The following NLGN1 variants were observed in gnomAD, a reference collection of about 807,000 sequenced individuals.
The protein encoded by NLGN1 is neuroligin-1.
A neutral mutation model predicts 65.5 loss-of-function variants in NLGN1; 12 were observed. The observed-to-expected ratio is 0.18, with a 90% CI of 0.12 to 0.30. The LOEUF is 0.30. Among genes scored for constraint, NLGN1 ranks in the 10% least tolerant of loss-of-function variants. The pLI is 1.00. For synonymous variants in NLGN1, 350 were observed against 359.5 expected (o/e 0.97, Z 0.30); for missense variants, 750 against 1,007.1 (o/e 0.74, Z 3.46).
At chr3:174,094,323 A>G in intron 4 of NLGN1, among the ~76,000 whole-genome samples, 1 of 152,194 alleles carries the variant, frequency 6.6e-6, no homozygotes, top group East Asian at 1.9e-4. Context: ...TATTTTAAAT[A>G]CTCATTATCT....
At chr3:174,173,372 C>T (rs73035641) in intron 4 of NLGN1, among the ~76,000 whole-genome samples, 2,292 of 152,076 alleles carry the variant, frequency 0.015, 58 homozygotes, top group African/African-American at 0.052. Context: ...AAGCAGTCAT[C>T]CTTGTCATGT....
intron 2 of NLGN1, among the ~76,000 whole-genome samples, chr3:173,580,149 A>G (rs1334619021): frequency 6.6e-6 from 1 of 152,142 alleles, no homozygotes; most frequent in Non-Finnish European, 1.5e-5. Context: ...CTTTTCTCAA[A>G]ATAACTCTTT....
At chr3:174,290,997 T>C (rs1395631973), downstream of NLGN1, among the ~76,000 whole-genome samples, 2 of 150,404 alleles carry the variant, frequency 1.3e-5, no homozygotes. Flanking sequence ...GATGCTTTAA[T>C]AAAACTCAAG....
At chr3:173,422,091 GTA>G (rs1160300203) in intron 1 of NLGN1, among the ~76,000 whole-genome samples, 2 of 151,478 alleles carry the variant, frequency 1.3e-5, no homozygotes, top group Non-Finnish European at 2.9e-5. Flanking sequence ...ATATATGTGT[GTA>G]TATATATGTG....
chr3:174,180,099 C>A (rs141638266), intron 4 of NLGN1, among the ~76,000 whole-genome samples: 2 of 152,226 alleles, frequency 1.3e-5, no homozygotes, highest in African/African-American at 4.8e-5. Context: ...CTGTAACAGT[C>A]CCTTCCTTCA....
intron 4 of NLGN1, among the ~76,000 whole-genome samples, chr3:174,110,885 C>A: frequency 6.6e-6 from 1 of 151,786 alleles, no homozygotes; most frequent in East Asian, 1.9e-4. Flanking sequence ...ATAAGAAATA[C>A]GTGATTTTAG....
Position 174,090,297 on chromosome 3 carries a change from C to G in NLGN1, c.647-185018C>G, listed in dbSNP as rs369900596. 9.2e-5 allele frequency among the ~76,000 whole-genome samples: 14 copies of G among 152,014 alleles called. No homozygotes were observed. In the East Asian group the frequency reaches 2.5e-3, roughly 27 times the overall value. On this transcript the variant is annotated intron_variant, in intron 4 of 6. Transcript: ENST00000457714. ...ACCAGCCTGGCCAACATGATGAAAT[C>G]TCGTCTCTATTAAAAATACAAAAAA... is the stretch of plus-strand genomic sequence containing the variant.
intron 3 of NLGN1, among the ~76,000 whole-genome samples, chr3:173,676,754 C>T (rs1348819094): frequency 2.0e-5 from 3 of 152,054 alleles, no homozygotes; most frequent in African/African-American, 7.2e-5. Flanking sequence ...TACATCTCAG[C>T]ATACCTCAAA....
chr3:174,133,161 C>G (rs1720528412), intron 4 of NLGN1, among the ~76,000 whole-genome samples: 1 of 152,162 alleles, frequency 6.6e-6, no homozygotes, highest in South Asian at 2.1e-4. Context: ...TTAGACTTTC[C>G]TGAGTGGTCA....
chr3:173,515,290 G>GT (rs1316090938), intron 2 of NLGN1, among the ~76,000 whole-genome samples: 4 of 151,796 alleles, frequency 2.6e-5, no homozygotes, highest in African/African-American at 4.8e-5. Context: ...AGTCATTTGT[G>GT]TTTTTTGGAA....
At chr3:174,211,007 T>C (rs1736360700) in intron 4 of NLGN1, among the ~76,000 whole-genome samples, 3 of 152,090 alleles carry the variant, frequency 2.0e-5, no homozygotes, top group Admixed American at 2.0e-4. Flanking sequence ...GCTCTTAAGG[T>C]GGCGCGTCTG....
At chr3:174,136,770 T>TA (rs1721298874) in intron 4 of NLGN1, among the ~76,000 whole-genome samples, 1 of 152,130 alleles carries the variant, frequency 6.6e-6, no homozygotes, top group South Asian at 2.1e-4. Flanking sequence ...TCAAAGGTGT[T>TA]AATATGCCAG....
At chr3:174,265,176 G>C (rs1210507969) in intron 4 of NLGN1, among the ~76,000 whole-genome samples, 11 of 151,762 alleles carry the variant, frequency 7.2e-5, no homozygotes, top group African/African-American at 2.7e-4. Context: ...TACAGAGGCA[G>C]GCAGGCCTCC....
chr3:173,419,509 G>C (rs1025817415), intron 1 of NLGN1, among the ~76,000 whole-genome samples: 7 of 152,006 alleles, frequency 4.6e-5, no homozygotes, highest in Admixed American at 1.3e-4. Flanking sequence ...GATGCCCTTT[G>C]GATTTAGGCA....
At position 173,937,157 on chromosome 3, in the gene NLGN1, A is replaced by C. The variant is rs1384296069; in HGVS notation, c.646+129325A>C. Among the ~76,000 whole-genome samples, 4 of 152,104 alleles carry C rather than the reference A, an allele frequency of 2.6e-5. 1 individual carries two copies. The highest frequency in any genetic ancestry group is 7.2e-5 in the African/African-American group (3 of 41,450). On this transcript the variant is annotated intron_variant, in intron 4 of 6. Transcript: ENST00000457714. The stretch of plus-strand genomic sequence containing the variant: ...AACCAGACCAAAAAGATGTTTAGAA[A>C]TGTGACCAAAATTAGGATTCACTGG...
chr3:173,632,724 C>T (rs1317836281), intron 3 of NLGN1, among the ~76,000 whole-genome samples: 1 of 151,990 alleles, frequency 6.6e-6, no homozygotes. Flanking sequence ...CCTTCCAATC[C>T]TTCCTTTTTG....
chr3:173,508,201 G>T (rs189944075), intron 2 of NLGN1, among the ~76,000 whole-genome samples: 1 of 151,914 alleles, frequency 6.6e-6, no homozygotes. Context: ...TCTTCTCTTT[G>T]TAATTTTGGT....
chr3:173,567,844 A>G (rs986399661), intron 2 of NLGN1, among the ~76,000 whole-genome samples: 11 of 152,240 alleles, frequency 7.2e-5, no homozygotes, highest in Non-Finnish European at 1.5e-4. Flanking sequence ...CTGTAGAGGA[A>G]AGGGAAAATA....
intron 2 of NLGN1, among the ~76,000 whole-genome samples, chr3:173,575,011 A>G (rs1577347574): frequency 2.0e-5 from 3 of 152,080 alleles, no homozygotes; most frequent in Admixed American, 2.0e-4. Flanking sequence ...CAGTCTCTCA[A>G]GTTGCTAGAA....
Sources: allele counts gnomAD v4.1 joint callset (sites outside exome capture counted in the v4.1 genomes callset), GRCh38; gene constraint gnomAD v4.1.1; transcripts MANE v1.5; gene names NCBI Gene and HGNC (gene_info 2026-07-23, HGNC 2026-07-21).